The following CDC27 variants were observed in gnomAD, a reference collection of about 807,000 sequenced individuals.
CDC27 encodes cell division cycle protein 27 homolog.
Under a neutral mutation model 109.7 loss-of-function variants are expected in CDC27, and 27 were observed. The observed-to-expected ratio is 0.25, with a 90% confidence interval of 0.18 to 0.34. The LOEUF (loss-of-function observed/expected upper bound fraction) is 0.34, where lower values mean the gene tolerates loss of function less well. CDC27 is among the 10% of genes least tolerant of loss of function. The pLI, the probability that CDC27 is intolerant of heterozygous loss-of-function variation, is 1.00. For synonymous variants in CDC27, 266 were observed against 333.9 expected, an observed-to-expected ratio of 0.80 and a Z score of 2.22; for missense variants, 579 against 960.2, an observed-to-expected ratio of 0.60 and a Z score of 5.25.
At chr17:47,159,486 C>T (rs963177930) in intron 4 of CDC27, 6 of 553,656 alleles carry the variant, frequency 1.1e-5, no homozygotes, top group South Asian at 4.9e-5. Flanking sequence ...GGGGGTGCGA[C>T]GAGGCGCACC....
chr17:47,168,212 C>T (rs920455539), intron 4 of CDC27, among the ~76,000 whole-genome samples: 4 of 152,158 alleles, frequency 2.6e-5, no homozygotes, highest in Admixed American at 2.0e-4. Flanking sequence ...ACTTAATCTT[C>T]AGCTCCTCTC....
intron 9 of CDC27, among the ~76,000 whole-genome samples, chr17:47,146,971 G>C (rs959314948): frequency 4.6e-5 from 7 of 152,140 alleles, no homozygotes; most frequent in African/African-American, 1.7e-4. Context: ...CCTGAAGTGG[G>C]AGGACTTCTT....
intron 2 of CDC27, among the ~76,000 whole-genome samples, chr17:47,174,211 GA>G: frequency 6.6e-6 from 1 of 152,326 alleles, no homozygotes; most frequent in African/African-American, 2.4e-5. Context: ...AGCAGAAAAA[GA>G]TAACAGTACC....
At chr17:47,168,827 C>T (rs1254353374) in intron 4 of CDC27, among the ~76,000 whole-genome samples, 3 of 151,748 alleles carry the variant, frequency 2.0e-5, no homozygotes, top group African/African-American at 7.3e-5. Flanking sequence ...GAAAAATAAC[C>T]AATATTCAAA....
chr17:47,133,815 C>A (rs946646927), intron 14 of CDC27, among the ~76,000 whole-genome samples: 2 of 151,958 alleles, frequency 1.3e-5, no homozygotes, highest in African/African-American at 4.8e-5. Context: ...GTGGTGCAAT[C>A]TCAGCTCACT....
chr17:47,142,035 A>G lies in CDC27; in HGVS notation c.1379-10T>C. On this transcript the variant is annotated splice_polypyrimidine_tract_variant and intron_variant, in intron 11 of 18. Transcript: ENST00000066544. ...AGGCTCATCAAACCTTCTAGGAGAA[A>G]ACAACATAGTAAACAAAGGAAAAAA... 1 of 1,570,674 alleles carries G rather than the reference A, an allele frequency of 6.4e-7. No homozygotes were observed. The highest frequency in any genetic ancestry group is 8.6e-7 in the Non-Finnish European group (1 of 1,161,856).
chr17:47,188,717 T>TA (rs897753015), intron 1 of CDC27: 36 of 1,001,580 alleles, frequency 3.6e-5, no homozygotes, highest in Middle Eastern at 5.0e-4. Context: ...CAAGACAAAA[T>TA]AAAAAAAACC....
chr17:47,173,988 G>A lies in CDC27; in HGVS notation c.104-1924C>T, dbSNP rs1481549268. 8.5e-5 allele frequency among the ~76,000 whole-genome samples: 13 copies of A among 152,240 alleles called. No individual in the cohort carries two copies. In the East Asian group the frequency reaches 1.3e-3, roughly 16 times the overall value. ...GCAAGCCTGTAATCCCAGCTACTCC[G>A]GAGGCTGAGGCAGGAGAATCGCCTG... On this transcript the variant is annotated intron_variant, in intron 2 of 18. Coordinates refer to ENST00000066544, the MANE Select transcript of CDC27 (RefSeq NM_001256.6).
intron 4 of CDC27, among the ~76,000 whole-genome samples, chr17:47,163,249 T>C (rs539499391): frequency 1.5e-4 from 23 of 152,240 alleles, no homozygotes; most frequent in African/African-American, 5.3e-4. Flanking sequence ...ATACTGGAGA[T>C]AGAAAAGAAA....
intron 4 of CDC27, among the ~76,000 whole-genome samples, chr17:47,162,650 G>A (rs1338395543): frequency 2.6e-5 from 4 of 152,048 alleles, no homozygotes; most frequent in East Asian, 1.9e-4. Flanking sequence ...AATCTGTTAC[G>A]GGAAAAATAT....
Position 47,118,495 on chromosome 17 carries a change from T to C in CDC27, c.*2440A>G, listed in dbSNP as rs1202636483. On this transcript the variant is annotated 3_prime_UTR_variant, in exon 19 of 19. Coordinates refer to ENST00000066544, the MANE Select transcript of CDC27 (RefSeq NM_001256.6). ...ACAAGTGTGTGCGCGTATATATATATGTATATAGATGTATTAAGTTGGTGC... is the reference window on the plus strand; with the variant it reads ...ACAAGTGTGTGCGCGTATATATATACGTATATAGATGTATTAAGTTGGTGC... 6.6e-6 allele frequency: 1 copy of C among 152,618 alleles called. No homozygotes were observed. Among genetic ancestry groups the C allele is most frequent in the Admixed American group, 6.5e-5 (1 of 15,268 alleles). The allele number at this position is 152,618 out of a possible 1,614,324, so 9.5% of individuals were successfully genotyped here. A position where few individuals can be genotyped will look rare whatever the true frequency, so the allele number is the denominator to read the frequency against.
rs1182712312 is a variant in CDC27 at position 47,142,262 on chromosome 17, T to C, written c.1345A>G (p.Ile449Val). 6.2e-7 allele frequency: 1 copy of C among 1,604,910 alleles called. No individual in the cohort carries two copies. Among genetic ancestry groups the C allele is most frequent in the East Asian group, 2.2e-5 (1 of 44,714 alleles). Residue 449 changes from isoleucine (I) to valine (V), a missense_variant, in exon 11 of 19, where the codon ATT becomes GTT. Physicochemically the swap from Ile to Val is conservative, Grantham distance 29 (BLOSUM62 3). Transcript: ENST00000066544. ...EGKISTITPQ[I>V]QAFNLQKAAA... ...GCTTTTTGTAGATTAAAGGCCTGAA[T>C]CTGAGGTGTGATTGTGGATATTTTC... is the stretch of plus-strand genomic sequence containing the variant.
rs1363532456 is a variant in CDC27, at chr17:47,188,823, T to A, written c.27+323A>T. ...AGGCAAGAGAGCGCTTGGGGTGCATTTTCGGCCCCTCATCTCCCACCCCCA... is the reference window on the plus strand; with the variant it reads ...AGGCAAGAGAGCGCTTGGGGTGCATATTCGGCCCCTCATCTCCCACCCCCA... On this transcript the variant is annotated intron_variant, in intron 1 of 18. Coordinates refer to ENST00000066544, the MANE Select transcript of CDC27 (RefSeq NM_001256.6). The A allele has an allele frequency of 1.1e-5, 14 of 1,240,898 alleles. No individual in the cohort carries two copies. The East Asian group carries it at 4.9e-4, about 43-fold the overall frequency. 76.9% of individuals were successfully genotyped at this position (1,240,898 alleles called of 1,614,324 possible). A position where few individuals can be genotyped will look rare whatever the true frequency, so the allele number is the denominator to read the frequency against.
At chr17:47,138,243 A>G (rs1314809791) in intron 13 of CDC27, among the ~76,000 whole-genome samples, 7 of 152,332 alleles carry the variant, frequency 4.6e-5, no homozygotes, top group Non-Finnish European at 8.8e-5. Flanking sequence ...TTCAGTGTTC[A>G]TGTTGACTAC....
chr17:47,137,050 A>C (rs187747232), intron 14 of CDC27, 102 bp downstream of exon 14: 5 of 588,874 alleles, frequency 8.5e-6, no homozygotes, highest in Non-Finnish European at 1.4e-5. Context: ...CCCTAAGTAT[A>C]AGTAACCAAA....
chr17:47,181,696 C>T (rs761420933), intron 1 of CDC27, 59 bp from the exon 2 acceptor site: 1 of 873,558 alleles, frequency 1.1e-6, no homozygotes, highest in Non-Finnish European at 1.9e-6. Context: ...AAGGTAACTA[C>T]TAGCACACAG....
chr17:47,170,863 G>A (rs1693516230), intron 3 of CDC27: 1 of 152,238 alleles, frequency 6.6e-6, no homozygotes, highest in Admixed American at 6.5e-5. Context: ...CATTGTGGGA[G>A]GCCAAGGTGG....
chr17:47,129,738 C>T lies in CDC27; in HGVS notation c.2032-217G>A, dbSNP rs189150646. On this transcript the variant is annotated intron_variant, in intron 15 of 18. Coordinates refer to ENST00000066544, the MANE Select transcript of CDC27 (RefSeq NM_001256.6). ...TTCTAATTCTAGTTCAACTGCTTCA[C>T]TAAAGATGAGAATACTGAAGTCTAG... is the stretch of plus-strand genomic sequence containing the variant. Among the ~76,000 whole-genome samples the T allele has an allele frequency of 1.1e-3, 165 of 152,244 alleles. 2 individuals carry two copies. The highest frequency in any genetic ancestry group is 9.5e-3 in the Admixed American group (145 of 15,286).
At chr17:47,151,573 AG>A (rs1292094746) in intron 9 of CDC27, among the ~76,000 whole-genome samples, 3 of 152,238 alleles carry the variant, frequency 2.0e-5, no homozygotes, top group Non-Finnish European at 4.4e-5. Flanking sequence ...CAAATCCATG[AG>A]GCAATCAGAG....
Sources: allele counts gnomAD v4.1 joint callset (sites outside exome capture counted in the v4.1 genomes callset), GRCh38; gene constraint gnomAD v4.1.1; transcripts MANE v1.5; gene names NCBI Gene and HGNC (gene_info 2026-07-23, HGNC 2026-07-21).